Variants in BSPH1 observed in about 807,000 individuals in gnomAD.
BSPH1 encodes binder of sperm protein homolog 1, also known as binder of sperm 1.
Under a neutral mutation model 22.5 loss-of-function variants are expected in BSPH1, and 21 were observed. The ratio of observed to expected loss-of-function variants is 0.93; its 90% confidence interval spans 0.66 to 1.35. The LOEUF (loss-of-function observed/expected upper bound fraction) is 1.35. Among genes scored for constraint, BSPH1 ranks in the 40% most tolerant of loss-of-function variants. BSPH1 has a pLI of 0.00. For synonymous variants in BSPH1, 42 were observed against 53.6 expected (o/e 0.78, Z 0.95); for missense variants, 141 against 154.2 (o/e 0.91, Z 0.45).
Position 47,982,965 on chromosome 19 carries a change from G to T in BSPH1, c.74-2024C>A, listed in dbSNP as rs565598201. Among the ~76,000 whole-genome samples, 14 of 152,218 alleles carry T rather than the reference G, an allele frequency of 9.2e-5. No homozygotes were observed. In the Middle Eastern group the frequency reaches 0.01, roughly 111 times the overall value. ...TTAGGAGCTGGAGGGAGGGAGGAAT[G>T]GGGAGTTATTATTTAATGGGTGCAG... On this transcript the variant is annotated intron_variant, in intron 1 of 5. Transcript: ENST00000344839.
At chr19:47,968,773 C>A (rs553986254) in intron 5 of BSPH1, among the ~76,000 whole-genome samples, 3 of 146,914 alleles carry the variant, frequency 2.0e-5, no homozygotes, top group Non-Finnish European at 4.5e-5. Flanking sequence ...CTGAGGTGGG[C>A]GGATTGTCTG....
At chr19:47,983,143 A>G (rs1969434925) in intron 1 of BSPH1, among the ~76,000 whole-genome samples, 1 of 152,200 alleles carries the variant, frequency 6.6e-6, no homozygotes, top group African/African-American at 2.4e-5. Context: ...CAACCCACTC[A>G]TGTAGACAAC....
At chr19:47,967,714 C>T (rs1418833146), downstream of BSPH1, among the ~76,000 whole-genome samples, 3 of 152,196 alleles carry the variant, frequency 2.0e-5, no homozygotes, top group African/African-American at 7.2e-5. Flanking sequence ...TCTCCAAAAA[C>T]AGTTGCATTC....
chr19:47,981,676 T>C, intron 1 of BSPH1: 1 of 768,662 alleles, frequency 1.3e-6, no homozygotes, highest in Non-Finnish European at 1.6e-6. Context: ...CAGTTTACTC[T>C]GCTGTAAAAT....
chr19:47,983,535 A>G (rs1250195089), intron 1 of BSPH1, among the ~76,000 whole-genome samples: 1 of 152,184 alleles, frequency 6.6e-6, no homozygotes, highest in Admixed American at 6.5e-5. Flanking sequence ...TCAGAATGCA[A>G]CATCCCCATA....
intron 1 of BSPH1, among the ~76,000 whole-genome samples, chr19:47,985,664 G>C (rs1969463772): frequency 6.6e-6 from 1 of 151,832 alleles, no homozygotes; most frequent in African/African-American, 2.4e-5. Flanking sequence ...GTGAAACCCT[G>C]TCTCTACTAA....
chr19:47,973,379 A>G (rs1245380007), intron 5 of BSPH1, among the ~76,000 whole-genome samples: 1 of 152,072 alleles, frequency 6.6e-6, no homozygotes, highest in African/African-American at 2.4e-5. Flanking sequence ...TATTGGTACC[A>G]TCTCATCAAT....
chr19:47,982,664 G>A (rs1038329572), intron 1 of BSPH1, among the ~76,000 whole-genome samples: 2 of 152,094 alleles, frequency 1.3e-5, no homozygotes, highest in African/African-American at 2.4e-5. Context: ...CCATGTTCAT[G>A]GTAGCATTAT....
chr19:47,978,959 T>C (rs1969393530), intron 3 of BSPH1, among the ~76,000 whole-genome samples: 1 of 152,254 alleles, frequency 6.6e-6, no homozygotes, highest in Non-Finnish European at 1.5e-5. Context: ...ATTTAAACAA[T>C]CATGTTTAAA....
chr19:47,989,630 C>T (rs1370211152), intron 1 of BSPH1, among the ~76,000 whole-genome samples: 1 of 152,090 alleles, frequency 6.6e-6, no homozygotes, highest in Non-Finnish European at 1.5e-5. Context: ...TGGGTTCCAA[C>T]GAAGCTTAGC....
At position 47,978,251 on chromosome 19, in the gene BSPH1, C is replaced by T. The variant is rs138323583; in HGVS notation, c.125-747G>A. 3.1e-3 allele frequency among the ~76,000 whole-genome samples: 465 copies of T among 151,906 alleles called. 2 individuals carry two copies. Among genetic ancestry groups the T allele is most frequent in the African/African-American group, 9.3e-3 (385 of 41,458 alleles). ...TCTGGAGTAGCTGGGACTGCAGGTGCGTGCTACCATGCCCAGTTAATTTTT... is the reference window on the plus strand; with the variant it reads ...TCTGGAGTAGCTGGGACTGCAGGTGTGTGCTACCATGCCCAGTTAATTTTT... On this transcript the variant is annotated intron_variant, in intron 3 of 5. Transcript: ENST00000344839.
At chr19:47,975,160 C>G (rs1198110533) in intron 5 of BSPH1, among the ~76,000 whole-genome samples, 1 of 152,236 alleles carries the variant, frequency 6.6e-6, no homozygotes, top group East Asian at 1.9e-4. Context: ...GGCCTTCTAT[C>G]AGATATTTCC....
chr19:47,973,411 C>T (rs1418522723), intron 5 of BSPH1, among the ~76,000 whole-genome samples: 1 of 152,028 alleles, frequency 6.6e-6, no homozygotes, highest in Non-Finnish European at 1.5e-5. Context: ...TCAATTAATT[C>T]ATTTTAGGAC....
chr19:47,973,142 G>A (rs1196113758), intron 5 of BSPH1, among the ~76,000 whole-genome samples: 2 of 151,262 alleles, frequency 1.3e-5, no homozygotes, highest in African/African-American at 4.9e-5. Context: ...GTGTGAACCT[G>A]GGAGGCGGAG....
chr19:47,986,744 A>AAAAAT (rs869037568), intron 1 of BSPH1, among the ~76,000 whole-genome samples: 16 of 125,106 alleles, frequency 1.3e-4, no homozygotes, highest in African/African-American at 3.9e-4. Context: ...GACCCTATCT[A>AAAAAT]AAAATAAAAT....
At position 47,976,857 on chromosome 19, in the gene BSPH1, G is replaced by T; in HGVS notation, c.257-3C>A. 6.4e-7 allele frequency: 1 copy of T among 1,551,020 alleles called. No individual in the cohort carries two copies. Among genetic ancestry groups the T allele is most frequent in the Non-Finnish European group, 8.7e-7 (1 of 1,146,788 alleles). On this transcript the variant is annotated splice_region_variant and splice_polypyrimidine_tract_variant and intron_variant, in intron 4 of 5. Transcript: ENST00000344839. Reference sequence around the variant, plus strand: ...GGGAAATACACAGTTTGCAAAATCTGCAGAGGAGGAAGAGGAAGAAGCAGA... The same window carrying T: ...GGGAAATACACAGTTTGCAAAATCTTCAGAGGAGGAAGAGGAAGAAGCAGA...
chr19:47,985,028 C>T (rs1271686436), intron 1 of BSPH1, among the ~76,000 whole-genome samples: 6 of 147,674 alleles, frequency 4.1e-5, no homozygotes, highest in Non-Finnish European at 5.9e-5. Flanking sequence ...GATCGCACCA[C>T]TGCACTCCAG....
intron 5 of BSPH1, among the ~76,000 whole-genome samples, chr19:47,968,680 T>TCAGA (rs1969280210): frequency 3.4e-5 from 1 of 29,576 alleles, no homozygotes; most frequent in African/African-American, 1.1e-4. Flanking sequence ...AGACCCTGTC[T>TCAGA]TAAAAAAAAA....
chr19:47,974,252 A>G (rs1451896245), intron 5 of BSPH1, among the ~76,000 whole-genome samples: 1 of 123,578 alleles, frequency 8.1e-6, no homozygotes, highest in Non-Finnish European at 1.6e-5. Flanking sequence ...TTCCACAGCC[A>G]CTTTCTCTCT....
Sources: gnomAD v4.1 joint callset for allele counts (sites outside exome capture counted in the v4.1 genomes callset) on GRCh38, gnomAD v4.1.1 for gene constraint, MANE v1.5 for transcripts, NCBI Gene and HGNC (gene_info 2026-07-23, HGNC 2026-07-21) for gene names.